The following PRDM8 variants were observed in gnomAD, a reference collection of about 807,000 sequenced individuals.
PRDM8 encodes PR domain zinc finger protein 8.
In PRDM8, 13 loss-of-function variants were observed where a neutral mutation model predicts 46.5. The ratio of observed to expected loss-of-function variants is 0.28; its 90% CI spans 0.18 to 0.44. PRDM8 has a LOEUF of 0.44. PRDM8 is among the 20% of genes least tolerant of loss of function. The pLI, the probability that PRDM8 is intolerant of heterozygous loss-of-function variation, is 1.00. For missense variants in PRDM8, 998 were observed against 955.0 expected, an observed-to-expected ratio of 1.04 and a Z score of -0.59; for synonymous variants, 473 against 438.4, an observed-to-expected ratio of 1.08 and a Z score of -0.98.
Position 80,200,256 on chromosome 4 carries a change from C to T in PRDM8, c.176C>T (p.Ala59Val). The change falls in exon 2 of 4, where the codon GCT (alanine) becomes GTT (valine). Residue 59 changes from alanine (A) to valine (V), a missense_variant. Ala to Val is a moderately conservative substitution (Grantham distance 64). Coordinates refer to ENST00000415738, the MANE Select transcript of PRDM8 (RefSeq NM_001099403.2). ...TSLYDSIAFIALKSTDKRTVP... is the reference protein window; with the variant it reads ...TSLYDSIAFIVLKSTDKRTVP... ...CTATATGACAGCATAGCTTTCATAG[C>T]TCTCAAGTCTACTGACAAGAGAACA... is the stretch of plus-strand genomic sequence containing the variant. The T allele has an allele frequency of 6.2e-7, 1 of 1,614,084 alleles. No homozygotes were observed. The highest frequency in any genetic ancestry group is 8.5e-7 in the Non-Finnish European group (1 of 1,179,958).
intron 2 of PRDM8, among the ~76,000 whole-genome samples, chr4:80,200,950 C>A (rs1213736744): frequency 6.6e-6 from 1 of 152,152 alleles, no homozygotes; most frequent in Non-Finnish European, 1.5e-5. Context: ...ATTCTCCATA[C>A]CTTTGTAATG....
Position 80,200,286 on chromosome 4 carries a change from C to G in PRDM8, c.206C>G (p.Pro69Arg). ...ALKSTDKRTVPYIFRVDTSAA... is the reference protein window; with the variant it reads ...ALKSTDKRTVRYIFRVDTSAA... ...AAGTCTACTGACAAGAGAACAGTAC[C>G]GTATATCTTTCGGGTAAGTCTCCAC... Residue 69 changes from proline to arginine, a missense_variant, in exon 2 of 4, where the codon CCG becomes CGG. Coordinates refer to ENST00000415738, the MANE Select transcript of PRDM8 (RefSeq NM_001099403.2). 6.2e-7 allele frequency: 1 copy of G among 1,612,824 alleles called. No homozygotes were observed. Among genetic ancestry groups the G allele is most frequent in the South Asian group, 1.1e-5 (1 of 91,036 alleles).
At chr4:80,188,497 T>C (rs74739012) in intron 1 of PRDM8, among the ~76,000 whole-genome samples, 19,151 of 152,252 alleles carry the variant, frequency 0.13, 1,570 homozygotes, top group Non-Finnish European at 0.18. Context: ...ATGTTGTCTT[T>C]ACTATTTTAC....
At chr4:80,196,514 A>C, upstream of PRDM8, 5 of 985,444 alleles carry the variant, frequency 5.1e-6, no homozygotes, top group Non-Finnish European at 6.0e-6. Flanking sequence ...GGCTTAGCGC[A>C]CAAACGAGGC....
At chr4:80,191,887 A>G (rs770592636) in intron 2 of PRDM8, among the ~76,000 whole-genome samples, 3 of 152,210 alleles carry the variant, frequency 2.0e-5, no homozygotes, top group Non-Finnish European at 4.4e-5. Context: ...GCAGTTTGGG[A>G]GCATAATTTG....
At chr4:80,194,467 T>C (rs928413574), upstream of PRDM8, among the ~76,000 whole-genome samples, 7 of 152,338 alleles carry the variant, frequency 4.6e-5, no homozygotes, top group African/African-American at 1.7e-4. Flanking sequence ...GATTTCAAAG[T>C]AGTTTATGTA....
At chr4:80,193,424 C>A (rs182778057), upstream of PRDM8, among the ~76,000 whole-genome samples, 63 of 152,070 alleles carry the variant, frequency 4.1e-4, no homozygotes, top group Non-Finnish European at 7.5e-4. Flanking sequence ...AACAAACAAA[C>A]CCCTCTGGGT....
Position 80,201,454 on chromosome 4 carries a change from T to G in PRDM8, c.384T>G (p.Val128=). The change falls in exon 3 of 4, where the codon GTT becomes GTG. Residue 128 remains valine (V), a synonymous_variant. Coordinates refer to ENST00000415738, the MANE Select transcript of PRDM8 (RefSeq NM_001099403.2). ...RRIAKDEELL[V]WYGKELTELL... is the part of the protein sequence containing the mutation. ...TTGCCAAAGACGAGGAGTTACTAGT[T>G]TGGTACGGGAAAGAACTGACTGAGT... The G allele has an allele frequency of 6.2e-7, 1 of 1,614,180 alleles. No homozygotes were observed. Among genetic ancestry groups the G allele is most frequent in the South Asian group, 1.1e-5 (1 of 91,088 alleles).
chr4:80,200,349 G>C, intron 2 of PRDM8, 50 bp downstream of exon 2: 1 of 1,474,688 alleles, frequency 6.8e-7, no homozygotes, highest in Non-Finnish European at 9.4e-7. Flanking sequence ...TGTCCTGTTG[G>C]AAATGGACTA....
intron 1 of PRDM8, among the ~76,000 whole-genome samples, chr4:80,186,430 G>GGAGAGAGAGAGA (rs70944766): frequency 0.09 from 11,691 of 129,838 alleles, 997 homozygotes; most frequent in East Asian, 0.33. Context: ...AAGGCAGGGT[G>GGAGAGAGAGAGA]GAGAGAGAGA....
chr4:80,195,946 G>C (rs1251194549), upstream of PRDM8: 2 of 467,710 alleles, frequency 4.3e-6, no homozygotes, highest in Admixed American at 6.4e-5. Flanking sequence ...GAGAGAGAGA[G>C]AGAGAGAGAG....
rs1160894817 is a variant in PRDM8 at position 80,202,401 on chromosome 4, G to A, written c.939G>A (p.Lys313=). The part of the protein sequence containing the change: ...DGIATGGGKG[K]RKFPEEAAEG... ...TCGCCACGGGCGGCGGCAAAGGAAA[G>A]AGGAAATTCCCGGAGGAGGCGGCGG... The change falls in exon 4 of 4, where the codon AAG becomes AAA. Residue 313 remains lysine, a synonymous_variant. Transcript: ENST00000415738. The A allele has an allele frequency of 6.4e-7, 1 of 1,569,966 alleles. No homozygotes were observed. Among genetic ancestry groups the A allele is most frequent in the Non-Finnish European group, 8.6e-7 (1 of 1,158,294 alleles).
rs771463674 is a variant in PRDM8, at chr4:80,203,563, C to T, written c.*31C>T. ...AAAGGACCCCAGCTTTCCACGCGCG[C>T]GCAAGCACAGTTAAGCCACCTGCAG... On this transcript the variant is annotated 3_prime_UTR_variant, in exon 4 of 4. Transcript: ENST00000415738. The T allele has an allele frequency of 2.2e-5, 35 of 1,575,014 alleles. No individual in the cohort carries two copies. The highest frequency in any genetic ancestry group is 7.2e-5 in the Admixed American group (4 of 55,274).
Position 80,201,977 on chromosome 4 carries a change from C to T in PRDM8, c.515C>T (p.Ala172Val), listed in dbSNP as rs1325914002. Residue 172 changes from alanine (A) to valine (V), a missense_variant, in exon 4 of 4, where the codon GCG becomes GTG. Transcript: ENST00000415738. ...QRFQFEFPYV[A>V]HLRFRCPKRL... ...TTCCAGTTTGAGTTCCCCTATGTGG[C>T]GCATCTGCGTTTCCGCTGCCCCAAG... 5.6e-6 allele frequency: 9 copies of T among 1,613,978 alleles called. No individual in the cohort carries two copies. Among genetic ancestry groups the T allele is most frequent in the South Asian group, 1.1e-5 (1 of 91,092 alleles).
intron 2 of PRDM8, among the ~76,000 whole-genome samples, chr4:80,192,010 T>C (rs1737585069): frequency 6.6e-6 from 1 of 152,232 alleles, no homozygotes; most frequent in African/African-American, 2.4e-5. Context: ...TCTTTCTTCC[T>C]TTCTTTTTAC....
At chr4:80,187,121 C>T (rs1347450495) in intron 1 of PRDM8, among the ~76,000 whole-genome samples, 1 of 152,142 alleles carries the variant, frequency 6.6e-6, no homozygotes, top group African/African-American at 2.4e-5. Flanking sequence ...GGGTAGAACA[C>T]TGAGGAATTG....
chr4:80,199,008 T>TG (rs1560472873), intron 1 of PRDM8, among the ~76,000 whole-genome samples: 9 of 134,212 alleles, frequency 6.7e-5, no homozygotes, highest in Non-Finnish European at 1.1e-4. Flanking sequence ...TTTTTTTTTT[T>TG]TTTTTTTTTT....
chr4:80,195,926 C>CAGAGAGAGAGAGAGAGAGAGAGAG (rs770762311), upstream of PRDM8: 5 of 164,810 alleles, frequency 3.0e-5, no homozygotes, highest in Non-Finnish European at 3.7e-5. Context: ...CACACACACA[C>CAGAGAGAGAGAGAGAGAGAGAGAG]ACAGAGAGAG....
chr4:80,187,598 C>G (rs185182932), intron 1 of PRDM8, among the ~76,000 whole-genome samples: 1 of 152,214 alleles, frequency 6.6e-6, no homozygotes, highest in South Asian at 2.1e-4. Context: ...CCTAATTCAC[C>G]CCAAGATAGT....
Sources: gnomAD v4.1 joint callset for allele counts (sites outside exome capture counted in the v4.1 genomes callset) on GRCh38, gnomAD v4.1.1 for gene constraint, MANE v1.5 for transcripts, NCBI Gene and HGNC (gene_info 2026-07-23, HGNC 2026-07-21) for gene names.